DPP10: variants seen among roughly 807,000 people sequenced by gnomAD.
The protein encoded by DPP10 is inactive dipeptidyl peptidase 10.
In DPP10, 33 loss-of-function variants were observed where a neutral mutation model predicts 120.9. The observed-to-expected ratio is 0.27, with a 90% CI of 0.21 to 0.37. The LOEUF (loss-of-function observed/expected upper bound fraction) is 0.37, where lower values mean the gene tolerates loss of function less well. Ranked by LOEUF, DPP10 falls within the 10% of genes least tolerant of loss-of-function variation. The pLI is 1.00. For synonymous variants in DPP10, 337 were observed against 326.1 expected, an observed-to-expected ratio of 1.03 and a Z score of -0.36; for missense variants, 816 against 942.8, an observed-to-expected ratio of 0.87 and a Z score of 1.76.
At chr2:115,645,926 C>T (rs1330519150) in intron 5 of DPP10, among the ~76,000 whole-genome samples, 1 of 152,104 alleles carries the variant, frequency 6.6e-6, no homozygotes, top group Admixed American at 6.6e-5. Context: ...CAAAGCACAA[C>T]ATAAATATCA....
chr2:115,349,697 T>C (rs543739658), intron 3 of DPP10, among the ~76,000 whole-genome samples: 173 of 152,144 alleles, frequency 1.1e-3, no homozygotes, highest in Non-Finnish European at 1.4e-3. Flanking sequence ...CAATAATATT[T>C]ACAGTAATTA....
intron 4 of DPP10, among the ~76,000 whole-genome samples, chr2:115,514,673 A>G (rs988898094): frequency 1.3e-5 from 2 of 151,862 alleles, no homozygotes; most frequent in African/African-American, 4.8e-5. Context: ...TCCATCTTTC[A>G]GTCACACTAT....
intron 1 of DPP10, among the ~76,000 whole-genome samples, chr2:115,278,193 G>T (rs760659861): frequency 5.9e-5 from 9 of 152,060 alleles, no homozygotes; most frequent in Non-Finnish European, 1.2e-4. Context: ...TGGTTGTGAG[G>T]GTTCAGTGCA....
intron 13 of DPP10, among the ~76,000 whole-genome samples, chr2:115,775,358 G>A (rs957649393): frequency 1.3e-5 from 2 of 151,792 alleles, no homozygotes; most frequent in African/African-American, 4.8e-5. Flanking sequence ...TAATAACTTG[G>A]ACAGTTCCAA....
At chr2:115,087,509 C>G (rs892359642) in intron 1 of DPP10, among the ~76,000 whole-genome samples, 2 of 126,578 alleles carry the variant, frequency 1.6e-5, no homozygotes, top group African/African-American at 2.8e-5. Flanking sequence ...CTATGTCTTT[C>G]TTTTTCTTTC....
intron 1 of DPP10, among the ~76,000 whole-genome samples, chr2:115,020,079 A>G (rs2105167991): frequency 6.6e-6 from 1 of 152,302 alleles, no homozygotes; most frequent in South Asian, 2.1e-4. Context: ...CACAAGAGTT[A>G]TATAACAATA....
chr2:115,699,665 A>C (rs1575556641), intron 7 of DPP10, among the ~76,000 whole-genome samples: 1 of 152,214 alleles, frequency 6.6e-6, no homozygotes, highest in African/African-American at 2.4e-5. Flanking sequence ...GTCAAAGAGG[A>C]GAAAGCACTT....
intron 1 of DPP10, among the ~76,000 whole-genome samples, chr2:115,304,912 T>C (rs1157953303): frequency 6.6e-6 from 1 of 152,074 alleles, no homozygotes; most frequent in Non-Finnish European, 1.5e-5. Context: ...TAAACTAAAC[T>C]GTTCCCTGAA....
chr2:115,683,510 C>T (rs528308175), intron 5 of DPP10, among the ~76,000 whole-genome samples: 7 of 151,692 alleles, frequency 4.6e-5, no homozygotes, highest in Admixed American at 6.6e-5. Flanking sequence ...GTGACAATGG[C>T]GTGTTGATAT....
rs148217004 is a variant in DPP10 at position 115,554,646 on chromosome 2, C to G, written c.441+28674C>G. Among the ~76,000 whole-genome samples, 1,126 of 152,166 alleles carry G rather than the reference C, an allele frequency of 7.4e-3. 6 individuals carry two copies. The highest frequency in any genetic ancestry group is 0.025 in the African/African-American group (1,033 of 41,528). ...AATTATTAATGGTTGCTCAGGAATC[C>G]TTCCGAAAACATCTTTCTTCTTAAG... On this transcript the variant is annotated intron_variant, in intron 5 of 25. Transcript: ENST00000410059.
chr2:114,758,249 CCAAA>C (rs1679969577), intron 1 of DPP10, among the ~76,000 whole-genome samples: 1 of 152,212 alleles, frequency 6.6e-6, no homozygotes, highest in Non-Finnish European at 1.5e-5. Flanking sequence ...TCACTTTCTA[CCAAA>C]CAATCCTTCC....
chr2:115,590,026 T>C (rs2082534749), intron 5 of DPP10, among the ~76,000 whole-genome samples: 1 of 151,978 alleles, frequency 6.6e-6, no homozygotes, highest in South Asian at 2.1e-4. Flanking sequence ...TCCCTGCTTT[T>C]TGTTTCCCTC....
chr2:114,478,467 A>G (rs1031790823), intron 1 of DPP10, among the ~76,000 whole-genome samples: 11 of 152,122 alleles, frequency 7.2e-5, no homozygotes, highest in African/African-American at 1.9e-4. Context: ...ATCTTAGATG[A>G]TGAAAGACTC....
chr2:114,917,522 A>C (rs1226003794), intron 1 of DPP10, among the ~76,000 whole-genome samples: 1 of 151,916 alleles, frequency 6.6e-6, no homozygotes, highest in Non-Finnish European at 1.5e-5. Context: ...CCTCAGCACA[A>C]AAAAAAAGCT....
chr2:115,285,855 G>A (rs1248477519), intron 1 of DPP10, among the ~76,000 whole-genome samples: 1 of 151,866 alleles, frequency 6.6e-6, no homozygotes, highest in African/African-American at 2.4e-5. Flanking sequence ...ACATATTAGT[G>A]GGAAGAAAGT....
intron 5 of DPP10, among the ~76,000 whole-genome samples, chr2:115,596,220 G>GT (rs1223591493): frequency 7.2e-5 from 11 of 152,214 alleles, no homozygotes; most frequent in Non-Finnish European, 1.6e-4. Flanking sequence ...AGCAAAGGCA[G>GT]TATCTGACCT....
At chr2:115,231,847 A>G (rs535525036) in intron 1 of DPP10, among the ~76,000 whole-genome samples, 1 of 152,292 alleles carries the variant, frequency 6.6e-6, no homozygotes, top group African/African-American at 2.4e-5. Flanking sequence ...TTGTCAGGCC[A>G]GTACTTCTCA....
intron 1 of DPP10, among the ~76,000 whole-genome samples, chr2:115,286,526 A>ATATATATATATATATATATAT (rs10675008): frequency 0.015 from 878 of 60,532 alleles, 94 homozygotes; most frequent in Middle Eastern, 0.024. Context: ...ATATATATAT[A>ATATATATATATATATATATAT]ATATATATAT....
intron 1 of DPP10, among the ~76,000 whole-genome samples, chr2:115,119,098 T>G (rs1190246485): frequency 6.6e-6 from 1 of 152,154 alleles, no homozygotes; most frequent in Admixed American, 6.5e-5. Context: ...TCTTCTCCCT[T>G]GATTCTTCCC....
Sources: allele counts gnomAD v4.1 joint callset (sites outside exome capture counted in the v4.1 genomes callset), GRCh38; gene constraint gnomAD v4.1.1; transcripts MANE v1.5; gene names NCBI Gene and HGNC (gene_info 2026-07-23, HGNC 2026-07-21).